The following DDX10 variants were observed in gnomAD, a reference collection of about 807,000 sequenced individuals.
The protein encoded by DDX10 is probable ATP-dependent RNA helicase DDX10.
Under a neutral mutation model 104.3 loss-of-function variants are expected in DDX10, and 74 were observed. The observed-to-expected ratio is 0.71, with a 90% CI of 0.59 to 0.86. The LOEUF (loss-of-function observed/expected upper bound fraction) is 0.86. Among genes scored for constraint, DDX10 ranks in the 40% least tolerant of loss-of-function variants. The probability of loss-of-function intolerance (pLI) is 0.00; values close to 1 mark genes in which losing one functional copy is unlikely to be tolerated. For synonymous variants in DDX10, 351 were observed against 353.4 expected, an observed-to-expected ratio of 0.99 and a Z score of 0.08; for missense variants, 952 against 1,040.0, an observed-to-expected ratio of 0.92 and a Z score of 1.16.
rs543289247 is a variant in DDX10 at position 108,748,914 on chromosome 11, C to T, written c.1965+25452C>T. On this transcript the variant is annotated intron_variant, in intron 13 of 17. Coordinates refer to ENST00000322536, the MANE Select transcript of DDX10 (RefSeq NM_004398.4). Reference sequence around the variant, plus strand: ...CTTTTCTTTTTTTTAATCCTCCTGCCTTGGCCTCCAAAGTGCCAAGATTAC... The same window carrying T: ...CTTTTCTTTTTTTTAATCCTCCTGCTTTGGCCTCCAAAGTGCCAAGATTAC... Among the ~76,000 whole-genome samples the T allele has an allele frequency of 2.0e-5, 3 of 151,984 alleles. No homozygotes were observed. In the South Asian group the frequency reaches 6.2e-4, roughly 32 times the overall value.
intron 13 of DDX10, among the ~76,000 whole-genome samples, chr11:108,730,820 C>A (rs189109053): frequency 1.1e-4 from 17 of 147,950 alleles, no homozygotes; most frequent in Admixed American, 5.4e-4. Context: ...ATAAGAAGTT[C>A]TATCTTTAAA....
intron 16 of DDX10, among the ~76,000 whole-genome samples, chr11:108,858,996 A>G (rs1862906627): frequency 6.6e-6 from 1 of 152,212 alleles, no homozygotes; most frequent in South Asian, 2.1e-4. Context: ...TCCTGCTAAA[A>G]TGTCTTCATT....
chr11:108,693,915 T>C (rs368433059), intron 9 of DDX10, among the ~76,000 whole-genome samples: 45 of 152,336 alleles, frequency 3.0e-4, no homozygotes, highest in African/African-American at 8.9e-4. Flanking sequence ...TCCTCACTTA[T>C]CCTCAGGGGT....
At chr11:108,724,504 T>G (rs992605152) in intron 13 of DDX10, among the ~76,000 whole-genome samples, 1 of 152,110 alleles carries the variant, frequency 6.6e-6, no homozygotes, top group Non-Finnish European at 1.5e-5. Context: ...AACATAGGTG[T>G]TCTGACTTTA....
chr11:108,872,106 A>C (rs1247625910), intron 16 of DDX10, among the ~76,000 whole-genome samples: 6 of 152,250 alleles, frequency 3.9e-5, no homozygotes. Context: ...ACTATCTTGC[A>C]GTAATCTTGA....
chr11:108,756,944 A>G (rs1365368349), intron 13 of DDX10, among the ~76,000 whole-genome samples: 1 of 152,058 alleles, frequency 6.6e-6, no homozygotes, highest in Non-Finnish European at 1.5e-5. Flanking sequence ...TATCTCTTTT[A>G]TAATTCCTCA....
intron 6 of DDX10, among the ~76,000 whole-genome samples, chr11:108,688,557 G>C (rs528457411): frequency 1.1e-3 from 167 of 152,190 alleles, no homozygotes; most frequent in Middle Eastern, 6.8e-3. Context: ...TATGAAAATT[G>C]TAAGTATACA....
At chr11:108,835,997 C>A (rs1399558925) in intron 13 of DDX10, among the ~76,000 whole-genome samples, 3 of 152,096 alleles carry the variant, frequency 2.0e-5, no homozygotes, top group African/African-American at 7.2e-5. Context: ...CCTTTTGATC[C>A]AGGTTTAGGA....
In DDX10 at chr11:108,721,496, C is replaced by A. The variant is rs547320341; in HGVS notation, c.1500-1501C>A. Among the ~76,000 whole-genome samples, 13 of 152,176 alleles carry A rather than the reference C, an allele frequency of 8.5e-5. No homozygotes were observed. In the South Asian group the frequency reaches 2.7e-3, roughly 32 times the overall value. On this transcript the variant is annotated intron_variant, in intron 12 of 17. Coordinates refer to ENST00000322536, the MANE Select transcript of DDX10 (RefSeq NM_004398.4). ...AGGCACAGGTCTTTAACACTGTAGG[C>A]CATATTTAGGGGACCATTTGTTGCA...
At chr11:108,871,761 T>TAAA (rs1863085154) in intron 16 of DDX10, among the ~76,000 whole-genome samples, 2 of 152,102 alleles carry the variant, frequency 1.3e-5, no homozygotes, top group African/African-American at 4.8e-5. Context: ...AAACCCCATC[T>TAAA]CTACTAAAAA....
chr11:108,813,801 TC>T, intron 13 of DDX10, among the ~76,000 whole-genome samples: 1 of 152,330 alleles, frequency 6.6e-6, no homozygotes, highest in East Asian at 1.9e-4. Flanking sequence ...ACCCAATTAT[TC>T]CAATATTGCT....
intron 9 of DDX10, among the ~76,000 whole-genome samples, chr11:108,705,746 C>T (rs935741328): frequency 1.1e-4 from 16 of 152,102 alleles, no homozygotes; most frequent in African/African-American, 3.9e-4. Flanking sequence ...AAAAATTTCT[C>T]CAAGTATCCG....
chr11:108,833,352 G>A (rs565037882), intron 13 of DDX10, among the ~76,000 whole-genome samples: 1 of 152,362 alleles, frequency 6.6e-6, no homozygotes, highest in South Asian at 2.1e-4. Context: ...CATAGATAGA[G>A]TTGGGCTCTG....
At chr11:108,832,060 G>C (rs901634863) in intron 13 of DDX10, among the ~76,000 whole-genome samples, 2 of 151,926 alleles carry the variant, frequency 1.3e-5, no homozygotes, top group South Asian at 2.1e-4. Flanking sequence ...GTATTTCTTA[G>C]GGCTGCTATA....
intron 13 of DDX10, among the ~76,000 whole-genome samples, chr11:108,806,582 A>G (rs1862104038): frequency 6.6e-6 from 1 of 152,184 alleles, no homozygotes; most frequent in South Asian, 2.1e-4. Context: ...AATTAGGTAA[A>G]TCACAGTACA....
rs535357550 is a variant in DDX10 at position 108,776,115 on chromosome 11, C to A, written c.1965+52653C>A. Among the ~76,000 whole-genome samples the A allele has an allele frequency of 8.8e-4, 134 of 152,310 alleles. 2 individuals are homozygous for A. The highest frequency in any genetic ancestry group is 7.7e-3 in the South Asian group (37 of 4,824). ...TTCACCCTTAGTTTTGAGAAACACT[C>A]TTCAGTCCTGGAACCTTTCTGGGAT... On this transcript the variant is annotated intron_variant, in intron 13 of 17. Coordinates refer to ENST00000322536, the MANE Select transcript of DDX10 (RefSeq NM_004398.4).
At chr11:108,678,210 TA>T in intron 4 of DDX10, 104 bp from the exon 5 acceptor site, 1 of 1,140,726 alleles carries the variant, frequency 8.8e-7, no homozygotes, top group Non-Finnish European at 1.2e-6. Context: ...CAAGAGTATC[TA>T]AAATGTTGTG....
At chr11:108,800,030 T>C (rs141081780) in intron 13 of DDX10, among the ~76,000 whole-genome samples, 24 of 152,220 alleles carry the variant, frequency 1.6e-4, no homozygotes, top group Middle Eastern at 3.4e-3. Context: ...CTCCAATTCC[T>C]GGGCTTAAGT....
chr11:108,856,522 G>C (rs1862872904), intron 16 of DDX10, among the ~76,000 whole-genome samples: 1 of 151,734 alleles, frequency 6.6e-6, no homozygotes, highest in African/African-American at 2.4e-5. Context: ...ATGGACTTGA[G>C]AGATGCCCTG....
Sources: gnomAD v4.1 joint callset for allele counts (sites outside exome capture counted in the v4.1 genomes callset) on GRCh38, gnomAD v4.1.1 for gene constraint, MANE v1.5 for transcripts, NCBI Gene and HGNC (gene_info 2026-07-23, HGNC 2026-07-21) for gene names.